SDK1: variants seen among roughly 807,000 people sequenced by gnomAD.
SDK1 encodes the protein sidekick cell adhesion molecule 1, also known as protein sidekick-1.
SDK1 carries 157 observed loss-of-function variants against 245.5 expected under a neutral mutation model. The ratio of observed to expected loss-of-function variants is 0.64; its 90% CI spans 0.56 to 0.73. The LOEUF is 0.73. SDK1 is among the 30% of genes least tolerant of loss of function. SDK1 has a pLI of 0.00. For missense variants in SDK1, 3,583 were observed against 3,002.3 expected, an observed-to-expected ratio of 1.19 and a Z score of -4.52; for synonymous variants, 1,647 against 1,278.5, an observed-to-expected ratio of 1.29 and a Z score of -6.15.
At chr7:3,686,768 A>G (rs2114990613) in intron 4 of SDK1, among the ~76,000 whole-genome samples, 1 of 152,320 alleles carries the variant, frequency 6.6e-6, no homozygotes, top group Non-Finnish European at 1.5e-5. Context: ...CAGGAGCTGC[A>G]GGGGACGAGG....
chr7:4,001,860 C>T (rs1199438254), intron 14 of SDK1, among the ~76,000 whole-genome samples: 1 of 152,228 alleles, frequency 6.6e-6, no homozygotes, highest in Non-Finnish European at 1.5e-5. Flanking sequence ...CCTGTCACTC[C>T]TGTGGCCTCT....
intron 17 of SDK1, among the ~76,000 whole-genome samples, chr7:4,043,486 AGAGT>A (rs1468222571): frequency 6.6e-6 from 1 of 152,236 alleles, no homozygotes; most frequent in Non-Finnish European, 1.5e-5. Flanking sequence ...GGGCTCAGGT[AGAGT>A]GAGTGTGAGA....
At chr7:3,939,393 G>C (rs1780274942) in intron 5 of SDK1, among the ~76,000 whole-genome samples, 1 of 152,248 alleles carries the variant, frequency 6.6e-6, no homozygotes, top group Non-Finnish European at 1.5e-5. Context: ...CACGTCCAGG[G>C]GCTGGGCCAG....
At chr7:3,977,425 A>G (rs73038435) in intron 13 of SDK1, among the ~76,000 whole-genome samples, 3,625 of 73,088 alleles carry the variant, frequency 0.05, 438 homozygotes, top group African/African-American at 0.14. Flanking sequence ...AGGCTGCCAC[A>G]CAGAGGGTCC....
chr7:4,009,803 G>C (rs992044487), intron 14 of SDK1, among the ~76,000 whole-genome samples: 1 of 152,246 alleles, frequency 6.6e-6, no homozygotes. Context: ...TTTCCTTTGA[G>C]AGTCTCATTT....
chr7:4,193,354 TTA>T (rs1288431754), intron 35 of SDK1, among the ~76,000 whole-genome samples: 5 of 106,642 alleles, frequency 4.7e-5, no homozygotes, highest in African/African-American at 1.2e-4. Flanking sequence ...TATAATATAT[TTA>T]TATATATTAA....
chr7:4,005,508 G>A (rs754541555), intron 14 of SDK1, among the ~76,000 whole-genome samples: 20 of 150,916 alleles, frequency 1.3e-4, no homozygotes, highest in African/African-American at 1.5e-4. Context: ...CAGCTGCCCC[G>A]CTTCTGGTGA....
intron 1 of SDK1, among the ~76,000 whole-genome samples, chr7:3,343,093 C>CT (rs1780391977): frequency 6.6e-6 from 1 of 151,290 alleles, no homozygotes; most frequent in Non-Finnish European, 1.5e-5. Context: ...TACAGCCACT[C>CT]TAGAAAACAG....
chr7:3,821,431 C>G lies in SDK1; in HGVS notation c.714-19C>G, dbSNP rs368593218. The G allele has an allele frequency of 6.1e-5, 98 of 1,609,568 alleles. No homozygotes were observed. The highest frequency in any genetic ancestry group is 8.0e-5 in the Non-Finnish European group (94 of 1,178,298). Reference sequence around the variant, plus strand: ...TCCCTGGAGTAGCTTTGACACTGTCCTCTTCTTTTCTGAAACAGAGCCATC... The same window carrying G: ...TCCCTGGAGTAGCTTTGACACTGTCGTCTTCTTTTCTGAAACAGAGCCATC... On this transcript the variant is annotated intron_variant, in intron 4 of 44. Coordinates refer to ENST00000404826, the MANE Select transcript of SDK1 (RefSeq NM_152744.4).
rs568674699 is a variant in SDK1 at position 3,471,038 on chromosome 7, C to T, written c.299-148042C>T. ...GTTTCTGAGTTGACCAACAAGATTC[C>T]ATCAGCATCTGGCAATTATTTTATC... is the stretch of plus-strand genomic sequence containing the variant. On this transcript the variant is annotated intron_variant, in intron 1 of 44. Transcript: ENST00000404826. Among the ~76,000 whole-genome samples, 7 of 152,274 alleles carry T rather than the reference C, an allele frequency of 4.6e-5. 1 individual carries two copies. Among genetic ancestry groups the T allele is most frequent in the African/African-American group, 1.7e-4 (7 of 41,578 alleles).
At chr7:4,160,605 C>T (rs549744847) in intron 31 of SDK1, among the ~76,000 whole-genome samples, 15 of 152,186 alleles carry the variant, frequency 9.9e-5, no homozygotes, top group African/African-American at 3.6e-4. Flanking sequence ...GGAGAGTCCT[C>T]TGAGTATGTG....
intron 35 of SDK1, among the ~76,000 whole-genome samples, chr7:4,200,206 T>C (rs1584429079): frequency 6.6e-6 from 1 of 152,098 alleles, no homozygotes; most frequent in East Asian, 1.9e-4. Flanking sequence ...ACCCTGACAA[T>C]GGATTATCAC....
intron 1 of SDK1, among the ~76,000 whole-genome samples, chr7:3,375,998 G>C (rs1029947477): frequency 4.6e-5 from 7 of 152,136 alleles, no homozygotes; most frequent in African/African-American, 1.4e-4. Context: ...TAGAATTGGG[G>C]AAAAAATAAG....
intron 1 of SDK1, among the ~76,000 whole-genome samples, chr7:3,556,014 C>T (rs1473825298): frequency 6.6e-6 from 1 of 152,034 alleles, no homozygotes; most frequent in African/African-American, 2.4e-5. Context: ...TTGGAGGTTT[C>T]TCAAAAAAGT....
intron 2 of SDK1, among the ~76,000 whole-genome samples, chr7:3,627,853 C>T (rs1215086485): frequency 6.6e-6 from 1 of 152,164 alleles, no homozygotes; most frequent in African/African-American, 2.4e-5. Context: ...ATTACACCCA[C>T]CCCCATTGGG....
intron 44 of SDK1, among the ~76,000 whole-genome samples, chr7:4,249,063 A>G (rs1210124914): frequency 6.6e-6 from 1 of 151,942 alleles, no homozygotes; most frequent in African/African-American, 2.4e-5. Context: ...ATACAAACAC[A>G]TACACAGAGG....
In SDK1 at chr7:3,971,532, A is replaced by C. The variant is rs567796938; in HGVS notation, c.1781A>C (p.His594Pro). ...ATTAAGGGGACCACGGCCACGCTGC[A>C]CTGTGGTGCCACACATGACCCCCGG... ...VVIKGTTATL[H>P]CGATHDPRVS... Residue 594 changes from histidine (H) to proline (P), a missense_variant, in exon 12 of 45, where the codon CAC becomes CCC. Physicochemically the swap from His to Pro is moderately conservative, Grantham distance 77. Transcript: ENST00000404826. 21 of 1,613,636 alleles carry C rather than the reference A, an allele frequency of 1.3e-5. No homozygotes were observed. In the East Asian group the frequency reaches 2.7e-4, roughly 21 times the overall value.
chr7:4,183,044 C>T (rs1304390786), intron 35 of SDK1, among the ~76,000 whole-genome samples: 1 of 152,054 alleles, frequency 6.6e-6, no homozygotes, highest in African/African-American at 2.4e-5. Context: ...GTTTGGTGGG[C>T]GTGGGGGCTA....
At chr7:3,959,680 G>C (rs1171903002) in intron 8 of SDK1, among the ~76,000 whole-genome samples, 1 of 152,198 alleles carries the variant, frequency 6.6e-6, no homozygotes, top group African/African-American at 2.4e-5. Context: ...TTGTCTTTCT[G>C]TGTCTGAGTT....
Sources: allele counts gnomAD v4.1 joint callset (sites outside exome capture counted in the v4.1 genomes callset), GRCh38; gene constraint gnomAD v4.1.1; transcripts MANE v1.5; gene names NCBI Gene and HGNC (gene_info 2026-07-23, HGNC 2026-07-21).